The following ZNF334 variants were observed in gnomAD, a reference collection of about 807,000 sequenced individuals.
ZNF334 encodes zinc finger protein 334.
A neutral mutation model predicts 12.4 loss-of-function variants in ZNF334; 14 were observed. The observed-to-expected ratio is 1.13, with a 90% CI of 0.74 to 1.76. The LOEUF (loss-of-function observed/expected upper bound fraction) is 1.76, where lower values mean the gene tolerates loss of function less well. Ranked by LOEUF, ZNF334 falls within the 40% of genes most tolerant of loss-of-function variation. The pLI, the probability that ZNF334 is intolerant of heterozygous loss-of-function variation, is 0.00. For missense variants in ZNF334, 797 were observed against 804.5 expected, an observed-to-expected ratio of 0.99 and a Z score of 0.11; for synonymous variants, 273 against 269.6, an observed-to-expected ratio of 1.01 and a Z score of -0.12.
chr20:46,487,366 C>T, the ZNF334 span, among the ~76,000 whole-genome samples: 1 of 152,202 alleles, frequency 6.6e-6, no homozygotes, highest in African/African-American at 2.4e-5. Context: ...ACTTATGATG[C>T]CATCCTTACA....
the ZNF334 span, among the ~76,000 whole-genome samples, chr20:46,489,128 C>CT: frequency 6.6e-6 from 1 of 152,074 alleles, no homozygotes; most frequent in African/African-American, 2.4e-5. Flanking sequence ...CCCCGACCCC[C>CT]TTCCCCCTCT....
the ZNF334 span, among the ~76,000 whole-genome samples, chr20:46,465,802 G>A: frequency 2.0e-5 from 3 of 151,750 alleles, no homozygotes; most frequent in Non-Finnish European, 2.9e-5. Flanking sequence ...AAATACAAAA[G>A]AAATTAGCCG....
At chr20:46,496,794 C>T (rs1310551635), downstream of ZNF334, 1 of 152,294 alleles carries the variant, frequency 6.6e-6, no homozygotes, top group African/African-American at 2.4e-5. Context: ...TCTTTCAGCT[C>T]CTGGGCTAGG....
At chr20:46,465,976 A>T in the ZNF334 span, among the ~76,000 whole-genome samples, 1 of 152,084 alleles carries the variant, frequency 6.6e-6, no homozygotes, top group Non-Finnish European at 1.5e-5. Flanking sequence ...TTAGAATATG[A>T]AAAAGATGGA....
chr20:46,496,466 T>C (rs187475128), downstream of ZNF334, among the ~76,000 whole-genome samples: 2 of 152,008 alleles, frequency 1.3e-5, no homozygotes, highest in Non-Finnish European at 2.9e-5. Flanking sequence ...GTGGGAAGGG[T>C]TGTGGGAAAC....
chr20:46,471,154 A>G, the ZNF334 span, among the ~76,000 whole-genome samples: 3 of 152,130 alleles, frequency 2.0e-5, no homozygotes, highest in African/African-American at 7.2e-5. Context: ...CAATCCTTTT[A>G]ATTTTAGGTG....
chr20:46,508,926 C>T (rs1357369667), intron 2 of ZNF334, among the ~76,000 whole-genome samples: 1 of 152,112 alleles, frequency 6.6e-6, no homozygotes, highest in Non-Finnish European at 1.5e-5. Flanking sequence ...ATAGTGGATA[C>T]ATCAAGCACA....
chr20:46,481,463 C>G, the ZNF334 span: 1 of 152,266 alleles, frequency 6.6e-6, no homozygotes, highest in Non-Finnish European at 1.5e-5. Context: ...CAAGGACTGA[C>G]TGACCAAGAG....
downstream of ZNF334, chr20:46,499,491 G>A (rs2061083276): frequency 6.6e-6 from 1 of 152,020 alleles, no homozygotes; most frequent in African/African-American, 2.4e-5. Flanking sequence ...CTTGAAATTT[G>A]GTGTCTTATT....
At chr20:46,486,827 G>T in the ZNF334 span, among the ~76,000 whole-genome samples, 1 of 152,068 alleles carries the variant, frequency 6.6e-6, no homozygotes, top group South Asian at 2.1e-4. Flanking sequence ...TTGCATTTTA[G>T]TTGGCTCCAT....
the ZNF334 span, among the ~76,000 whole-genome samples, chr20:46,465,981 G>C: frequency 6.6e-6 from 1 of 151,872 alleles, no homozygotes; most frequent in Non-Finnish European, 1.5e-5. Flanking sequence ...ATATGAAAAA[G>C]ATGGAATTTC....
chr20:46,465,886 T>C, the ZNF334 span, among the ~76,000 whole-genome samples: 1 of 151,284 alleles, frequency 6.6e-6, no homozygotes, highest in Non-Finnish European at 1.5e-5. Flanking sequence ...ATCCAGGAGG[T>C]GGAGCTTGCA....
At chr20:46,487,222 T>C in the ZNF334 span, among the ~76,000 whole-genome samples, 1 of 152,166 alleles carries the variant, frequency 6.6e-6, no homozygotes, top group Non-Finnish European at 1.5e-5. Context: ...CCTATCAGCA[T>C]TACGGGTTTA....
At position 46,502,753 on chromosome 20, in the gene ZNF334, G is replaced by C. The variant is rs763216862; in HGVS notation, c.586C>G (p.Leu196Val). ...MRKASNQNEN[L>V]ILHQNIQILK... Reference sequence around the variant, plus strand: ...ATCTGAATGTTCTGGTGCAGAATAAGATTTTCGTTTTGATTGCTGGCTTTC... The same window carrying C: ...ATCTGAATGTTCTGGTGCAGAATAACATTTTCGTTTTGATTGCTGGCTTTC... Residue 196 changes from leucine (L) to valine (V), a missense_variant, in exon 5 of 5, where the codon CTT (leucine) becomes GTT (valine). Transcript: ENST00000692313. 1 of 1,613,816 alleles carries C rather than the reference G, an allele frequency of 6.2e-7. No individual in the cohort carries two copies. Among genetic ancestry groups the C allele is most frequent in the Non-Finnish European group, 8.5e-7 (1 of 1,179,986 alleles).
At chr20:46,505,585 T>C (rs78108741) in intron 2 of ZNF334, 23 of 153,860 alleles carry the variant, frequency 1.5e-4, no homozygotes, top group African/African-American at 5.5e-4. Context: ...GACTGGAGAT[T>C]TGTGACCAAA....
chr20:46,512,055 T>A, intron 2 of ZNF334, 27 bp downstream of exon 2: 2 of 1,611,716 alleles, frequency 1.2e-6, no homozygotes, highest in African/African-American at 1.3e-5. Context: ...CTGTATAATG[T>A]GAGAAGTAAA....
downstream of ZNF334, among the ~76,000 whole-genome samples, chr20:46,496,204 C>T (rs139438834): frequency 2.9e-4 from 44 of 152,280 alleles, no homozygotes; most frequent in East Asian, 6.6e-3. Context: ...GTCTCCATGA[C>T]GCACTAGCTG....
intron 2 of ZNF334, among the ~76,000 whole-genome samples, chr20:46,511,353 T>C (rs1287735376): frequency 1.3e-5 from 2 of 152,126 alleles, no homozygotes; most frequent in African/African-American, 4.8e-5. Context: ...AACAAAGAGT[T>C]TGGTAAAGTA....
the ZNF334 span, chr20:46,492,080 A>G: frequency 6.6e-6 from 1 of 152,650 alleles, no homozygotes; most frequent in African/African-American, 2.4e-5. Flanking sequence ...AAACTCCTCT[A>G]AAAGCGTCTC....
Sources: allele counts gnomAD v4.1 joint callset (sites outside exome capture counted in the v4.1 genomes callset), GRCh38; gene constraint gnomAD v4.1.1; transcripts MANE v1.5; gene names NCBI Gene and HGNC (gene_info 2026-07-23, HGNC 2026-07-21).